The following CASP6 variants were observed in gnomAD, a reference collection of about 807,000 sequenced individuals.
CASP6 encodes caspase-6.
CASP6 carries 20 observed loss-of-function variants against 31.8 expected under a neutral mutation model. The observed-to-expected ratio is 0.63, with a 90% CI of 0.44 to 0.91. CASP6 has a LOEUF of 0.91. CASP6 is among the 40% of genes least tolerant of loss of function. The pLI is 0.00. For missense variants in CASP6, 328 were observed against 361.1 expected, an observed-to-expected ratio of 0.91 and a Z score of 0.74; for synonymous variants, 130 against 127.8, an observed-to-expected ratio of 1.02 and a Z score of -0.12.
rs555498950 is a variant in CASP6, at chr4:109,694,834, C to T, written c.308-134G>A. Reference sequence around the variant, plus strand: ...GGAGGAGGAAAATTTGTGGTTTTGTCTTTTTTGTTTTTTTGAGACAGAGTT... The same window carrying T: ...GGAGGAGGAAAATTTGTGGTTTTGTTTTTTTTGTTTTTTTGAGACAGAGTT... On this transcript the variant is annotated intron_variant, in intron 4 of 6. Coordinates refer to ENST00000265164, the MANE Select transcript of CASP6 (RefSeq NM_001226.4). 4.2e-5 allele frequency: 38 copies of T among 905,994 alleles called. No individual in the cohort carries two copies. The African/African-American group carries it at 6.2e-4, about 15-fold the overall frequency. The allele number at this position is 905,994 out of a possible 1,614,324, so 56.1% of individuals were successfully genotyped here. A position where few individuals can be genotyped will look rare whatever the true frequency, so the allele number is the denominator to read the frequency against.
At chr4:109,696,291 G>T in intron 4 of CASP6, 119 bp downstream of exon 4, 1 of 685,720 alleles carries the variant, frequency 1.5e-6, no homozygotes, top group Non-Finnish European at 2.4e-6. Context: ...CCTGTAACCT[G>T]TGCTAAATTA....
intron 5 of CASP6, among the ~76,000 whole-genome samples, chr4:109,693,231 G>T (rs1730130977): frequency 6.6e-6 from 1 of 152,192 alleles, no homozygotes. Flanking sequence ...TGTACAGCCT[G>T]CAGAACTGTA....
At chr4:109,684,521 C>G (rs146160577), downstream of CASP6, 6 of 1,613,748 alleles carry the variant, frequency 3.7e-6, no homozygotes, top group African/African-American at 8.0e-5. Flanking sequence ...GCTGTCCATT[C>G]AGGGTGGGGC....
At chr4:109,667,906 GTGTTAGAAGTACA>G in the CASP6 span, among the ~76,000 whole-genome samples, 1 of 151,554 alleles carries the variant, frequency 6.6e-6, no homozygotes, top group Non-Finnish European at 1.5e-5. Context: ...TTTGACCCAT[GTGTTAGAAGTACA>G]TTATTTAATA....
the CASP6 span, among the ~76,000 whole-genome samples, chr4:109,677,190 A>G: frequency 1.3e-5 from 2 of 152,198 alleles, no homozygotes; most frequent in South Asian, 4.1e-4. Flanking sequence ...CTTACGTGGG[A>G]CCAGTTACCT....
At chr4:109,693,751 T>C (rs1216639495) in intron 5 of CASP6, among the ~76,000 whole-genome samples, 1 of 151,556 alleles carries the variant, frequency 6.6e-6, no homozygotes, top group Non-Finnish European at 1.5e-5. Flanking sequence ...AATTTTTTTT[T>C]TTTTTTAGAC....
At chr4:109,674,682 T>C in the CASP6 span, among the ~76,000 whole-genome samples, 2 of 152,250 alleles carry the variant, frequency 1.3e-5, no homozygotes, top group African/African-American at 4.8e-5. Context: ...TATTAGTATT[T>C]ATTAAAGAAT....
the CASP6 span, among the ~76,000 whole-genome samples, chr4:109,680,323 C>T: frequency 7.9e-5 from 12 of 152,268 alleles, no homozygotes; most frequent in South Asian, 2.5e-3. Flanking sequence ...ACCAACTATC[C>T]ACTTTTTGTA....
rs956225546 is a variant in CASP6 at position 109,696,492 on chromosome 4, G to T, written c.231-6C>A. On this transcript the variant is annotated splice_polypyrimidine_tract_variant and splice_region_variant and intron_variant, in intron 3 of 6. Coordinates refer to ENST00000265164, the MANE Select transcript of CASP6 (RefSeq NM_001226.4). ...CAAATCCTAGATCTGAAAACCTAGTGGTATATTAAATGAAATGTTAGCCTA... is the reference window on the plus strand; with the variant it reads ...CAAATCCTAGATCTGAAAACCTAGTTGTATATTAAATGAAATGTTAGCCTA... 6 of 1,595,662 alleles carry T rather than the reference G, an allele frequency of 3.8e-6. No homozygotes were observed. The highest frequency in any genetic ancestry group is 2.7e-5 in the African/African-American group (2 of 74,396).
chr4:109,664,419 T>C, the CASP6 span: 1 of 859,502 alleles, frequency 1.2e-6, no homozygotes, highest in South Asian at 1.7e-5. Flanking sequence ...TATCCAACTA[T>C]TACTTTTTTT....
At position 109,690,865 on chromosome 4, in the gene CASP6, A is replaced by C. The variant is rs922247025; in HGVS notation, c.628T>G (p.Tyr210Asp). The change falls in exon 6 of 7, where the codon TAC becomes GAC. Residue 210 changes from tyrosine (Y) to aspartate (D), a missense_variant. Transcript: ENST00000265164. ...LPAGADFLMC[Y>D]SVAEGYYSHR... ...CACCACACACCTTCTGCAACAGAGT[A>C]ACACATGAGGAAGTCAGCTCCAGCA... The C allele has an allele frequency of 1.2e-6, 2 of 1,610,764 alleles. No individual in the cohort carries two copies. Among genetic ancestry groups the C allele is most frequent in the Admixed American group, 1.7e-5 (1 of 59,464 alleles).
chr4:109,700,921 G>T (rs1408122317), intron 1 of CASP6, among the ~76,000 whole-genome samples: 1 of 152,076 alleles, frequency 6.6e-6, no homozygotes, highest in Non-Finnish European at 1.5e-5. Context: ...TTCCAGAAGG[G>T]GGCACTTAAG....
At chr4:109,691,392 C>G (rs1382074057) in intron 5 of CASP6, among the ~76,000 whole-genome samples, 1 of 152,126 alleles carries the variant, frequency 6.6e-6, no homozygotes, top group Non-Finnish European at 1.5e-5. Context: ...TTTAGGCAGG[C>G]AGTGTATTTC....
intron 2 of CASP6, 144 bp from the exon 3 acceptor site, chr4:109,697,912 T>C (rs1057037804): frequency 1.1e-6 from 1 of 876,492 alleles, no homozygotes; most frequent in Non-Finnish European, 1.7e-6. Context: ...GGAAAGGCCA[T>C]GCTAATAAGG....
chr4:109,674,178 T>C, the CASP6 span: 1 of 866,588 alleles, frequency 1.2e-6, no homozygotes, highest in South Asian at 1.3e-5. Flanking sequence ...CGTCTCATTA[T>C]TGAAGTTACC....
chr4:109,671,929 A>G, the CASP6 span, among the ~76,000 whole-genome samples: 5 of 152,132 alleles, frequency 3.3e-5, no homozygotes, highest in Non-Finnish European at 7.4e-5. Flanking sequence ...GCTTTCCTCT[A>G]GTGTCCTTAT....
chr4:109,682,075 CTGGT>C, the CASP6 span, among the ~76,000 whole-genome samples: 100,244 of 151,460 alleles, frequency 0.66, 33,307 homozygotes, highest in South Asian at 0.74. Context: ...AGTGAGTTCT[CTGGT>C]TGGGTGTGAG....
At chr4:109,706,131 TTATATATATATATATA>T (rs58847180), upstream of CASP6, among the ~76,000 whole-genome samples, 99 of 36,096 alleles carry the variant, frequency 2.7e-3, 7 homozygotes, top group East Asian at 0.052. Flanking sequence ...CCTATCCATT[TTATATATATATATATA>T]TATATATATA....
upstream of CASP6, among the ~76,000 whole-genome samples, chr4:109,706,906 C>G (rs1730631769): frequency 6.6e-6 from 1 of 150,512 alleles, no homozygotes; most frequent in Non-Finnish European, 1.5e-5. Flanking sequence ...GACTCCATCT[C>G]AAAACAAACA....
Sources: allele counts gnomAD v4.1 joint callset (sites outside exome capture counted in the v4.1 genomes callset), GRCh38; gene constraint gnomAD v4.1.1; transcripts MANE v1.5; gene names NCBI Gene and HGNC (gene_info 2026-07-23, HGNC 2026-07-21).